SCFD2: variants seen among roughly 807,000 people sequenced by gnomAD.
SCFD2 encodes the protein sec1 family domain containing 2.
A neutral mutation model predicts 58.9 loss-of-function variants in SCFD2; 54 were observed. The observed-to-expected ratio is 0.92, with a 90% confidence interval of 0.74 to 1.15. The LOEUF (loss-of-function observed/expected upper bound fraction) is 1.15. Ranked by LOEUF, SCFD2 falls within the 50% of genes most tolerant of loss-of-function variation. The probability of loss-of-function intolerance (pLI) is 0.00; values close to 1 mark genes in which losing one functional copy is unlikely to be tolerated. For synonymous variants in SCFD2, 321 were observed against 335.9 expected (o/e 0.96, Z 0.49); for missense variants, 805 against 836.6 (o/e 0.96, Z 0.47).
At chr4:52,890,608 A>G (rs554675356) in intron 7 of SCFD2, among the ~76,000 whole-genome samples, 2 of 152,234 alleles carry the variant, frequency 1.3e-5, no homozygotes, top group Middle Eastern at 3.2e-3. Context: ...GAAAGACTGA[A>G]GCATAACTAC....
chr4:53,060,848 GC>G (rs1158883272), intron 5 of SCFD2, among the ~76,000 whole-genome samples: 5 of 152,056 alleles, frequency 3.3e-5, no homozygotes, highest in African/African-American at 9.7e-5. Context: ...ATCAACAAAA[GC>G]TTTGGGGAGC....
chr4:53,119,946 C>A (rs143827951), intron 5 of SCFD2, among the ~76,000 whole-genome samples: 17 of 152,262 alleles, frequency 1.1e-4, no homozygotes, highest in Non-Finnish European at 2.4e-4. Context: ...AAGATAATTA[C>A]CTTCCCTCAA....
intron 5 of SCFD2, among the ~76,000 whole-genome samples, chr4:53,129,045 A>G (rs1424776379): frequency 6.6e-6 from 1 of 152,222 alleles, no homozygotes; most frequent in Admixed American, 6.5e-5. Flanking sequence ...TTTACAGTAT[A>G]ATTTGGCTTT....
chr4:53,289,596 A>G (rs1023555477), intron 3 of SCFD2, among the ~76,000 whole-genome samples: 20 of 152,148 alleles, frequency 1.3e-4, no homozygotes, highest in African/African-American at 4.1e-4. Context: ...GAAAACAATT[A>G]ACAAAATGGC....
At chr4:53,104,566 T>C (rs1724930171) in intron 5 of SCFD2, among the ~76,000 whole-genome samples, 1 of 152,202 alleles carries the variant, frequency 6.6e-6, no homozygotes, top group South Asian at 2.1e-4. Flanking sequence ...CACACTTTAG[T>C]TAATAATACT....
At chr4:53,061,084 A>G (rs1487474487) in intron 5 of SCFD2, among the ~76,000 whole-genome samples, 9 of 152,174 alleles carry the variant, frequency 5.9e-5, no homozygotes, top group South Asian at 2.1e-4. Context: ...TAGAAATATA[A>G]CTCTTTAAAA....
At chr4:53,182,644 T>C (rs559641613) in intron 4 of SCFD2, among the ~76,000 whole-genome samples, 1 of 152,170 alleles carries the variant, frequency 6.6e-6, no homozygotes, top group African/African-American at 2.4e-5. Flanking sequence ...AAAGCCAAAA[T>C]TGACAAATGG....
Position 53,224,187 on chromosome 4 carries a change from G to A in SCFD2, c.1311+49639C>T, listed in dbSNP as rs150915828. 7.8e-4 allele frequency among the ~76,000 whole-genome samples: 118 copies of A among 152,172 alleles called. No individual in the cohort carries two copies. In the East Asian group the frequency reaches 0.022, roughly 29 times the overall value. ...GGGTGGATCATGAGGTCAGGAGCTC[G>A]AGACCAGCCTAACCAACATGGTAAA... On this transcript the variant is annotated intron_variant, in intron 4 of 8. Coordinates refer to ENST00000401642, the MANE Select transcript of SCFD2 (RefSeq NM_152540.4).
chr4:53,186,890 A>G (rs1213783540), intron 4 of SCFD2, among the ~76,000 whole-genome samples: 1 of 152,094 alleles, frequency 6.6e-6, no homozygotes, highest in African/African-American at 2.4e-5. Flanking sequence ...ACACGGTTGC[A>G]CAGTGGAATG....
At chr4:53,113,434 C>G (rs1484572746) in intron 5 of SCFD2, among the ~76,000 whole-genome samples, 1 of 152,104 alleles carries the variant, frequency 6.6e-6, no homozygotes, top group South Asian at 2.1e-4. Context: ...GAGAACAGAA[C>G]TCTCAGCCTA....
At chr4:53,129,100 G>A (rs1725714946) in intron 5 of SCFD2, among the ~76,000 whole-genome samples, 1 of 152,132 alleles carries the variant, frequency 6.6e-6, no homozygotes, top group African/African-American at 2.4e-5. Context: ...TTGCATGTTG[G>A]GAAATGTAAG....
chr4:53,159,952 C>T (rs190060049), intron 4 of SCFD2, among the ~76,000 whole-genome samples: 3 of 152,140 alleles, frequency 2.0e-5, no homozygotes, highest in Non-Finnish European at 2.9e-5. Flanking sequence ...AAAAAATGCA[C>T]GAAAAAGAAT....
At chr4:53,187,596 C>G (rs1053159330) in intron 4 of SCFD2, among the ~76,000 whole-genome samples, 5 of 151,944 alleles carry the variant, frequency 3.3e-5, no homozygotes, top group African/African-American at 7.2e-5. Context: ...AATACCTTTA[C>G]AAAACTGACT....
intron 5 of SCFD2, among the ~76,000 whole-genome samples, chr4:52,965,373 G>T (rs1720940286): frequency 6.6e-6 from 1 of 152,046 alleles, no homozygotes; most frequent in Admixed American, 6.5e-5. Context: ...AGTTCCTCTG[G>T]CACCCCTAAC....
intron 5 of SCFD2, among the ~76,000 whole-genome samples, chr4:53,062,174 C>T (rs1262088485): frequency 6.6e-6 from 1 of 151,726 alleles, no homozygotes; most frequent in Admixed American, 6.6e-5. Flanking sequence ...GAGTTCAAGA[C>T]CAGGCTGGCG....
intron 5 of SCFD2, among the ~76,000 whole-genome samples, chr4:52,976,322 T>C (rs1721260296): frequency 6.6e-6 from 1 of 152,184 alleles, no homozygotes; most frequent in African/African-American, 2.4e-5. Flanking sequence ...AGGTGAAATG[T>C]TACTTTGATA....
intron 4 of SCFD2, among the ~76,000 whole-genome samples, chr4:53,171,839 T>A (rs573244735): frequency 7.2e-5 from 11 of 152,074 alleles, no homozygotes; most frequent in African/African-American, 2.4e-4. Context: ...ACCTTCAATG[T>A]CTTCTCGTTA....
chr4:52,875,537 T>A (rs1718449466), intron 8 of SCFD2, among the ~76,000 whole-genome samples: 1 of 151,752 alleles, frequency 6.6e-6, no homozygotes, highest in South Asian at 2.1e-4. Context: ...GCCCACACAC[T>A]TTACTATCCT....
At position 53,239,242 on chromosome 4, in the gene SCFD2, C is replaced by T. The variant is rs1479924240; in HGVS notation, c.1311+34584G>A. 4.6e-5 allele frequency among the ~76,000 whole-genome samples: 7 copies of T among 152,020 alleles called. No homozygotes were observed. In the East Asian group the frequency reaches 7.7e-4, roughly 17 times the overall value. On this transcript the variant is annotated intron_variant, in intron 4 of 8. Coordinates refer to ENST00000401642, the MANE Select transcript of SCFD2 (RefSeq NM_152540.4). ...GCGCGAGTCTGCAATCGCAGGCACTCGGCAGGCTGAGTCAGGAGAGTCAGG... is the reference window on the plus strand; with the variant it reads ...GCGCGAGTCTGCAATCGCAGGCACTTGGCAGGCTGAGTCAGGAGAGTCAGG...
Sources: allele counts gnomAD v4.1 joint callset (sites outside exome capture counted in the v4.1 genomes callset), GRCh38; gene constraint gnomAD v4.1.1; transcripts MANE v1.5; gene names NCBI Gene and HGNC (gene_info 2026-07-23, HGNC 2026-07-21).